The following TGFBRAP1 variants were observed in gnomAD, a reference collection of about 807,000 sequenced individuals.
The protein encoded by TGFBRAP1 is transforming growth factor-beta receptor-associated protein 1.
TGFBRAP1 carries 20 observed loss-of-function variants against 83.2 expected under a neutral mutation model. The observed-to-expected ratio is 0.24, with a 90% CI of 0.17 to 0.35. The LOEUF (loss-of-function observed/expected upper bound fraction) is 0.35. Ranked by LOEUF, TGFBRAP1 falls within the 10% of genes least tolerant of loss-of-function variation. The probability of loss-of-function intolerance (pLI) is 1.00; values close to 1 mark genes in which losing one functional copy is unlikely to be tolerated. For synonymous variants in TGFBRAP1, 415 were observed against 459.8 expected (o/e 0.90, Z 1.25); for missense variants, 950 against 1,099.4 (o/e 0.86, Z 1.92).
At chr2:105,328,464 T>G (rs1679282073) in intron 1 of TGFBRAP1, among the ~76,000 whole-genome samples, 1 of 152,206 alleles carries the variant, frequency 6.6e-6, no homozygotes, top group Non-Finnish European at 1.5e-5. Context: ...TGACTGACCA[T>G]GGAACTGCGA....
chr2:105,328,385 T>G (rs1679280604), intron 1 of TGFBRAP1, among the ~76,000 whole-genome samples: 1 of 152,176 alleles, frequency 6.6e-6, no homozygotes. Flanking sequence ...CTGCAATGAC[T>G]GTTGAGGCTG....
intron 4 of TGFBRAP1, among the ~76,000 whole-genome samples, chr2:105,296,022 A>G (rs1328595830): frequency 6.6e-6 from 1 of 152,178 alleles, no homozygotes; most frequent in Non-Finnish European, 1.5e-5. Flanking sequence ...TTTGCTTTAT[A>G]AGAACTATGT....
chr2:105,288,078 G>T (rs1294991626), intron 4 of TGFBRAP1, among the ~76,000 whole-genome samples: 2 of 152,216 alleles, frequency 1.3e-5, no homozygotes, highest in Non-Finnish European at 2.9e-5. Flanking sequence ...AACTCAGAAA[G>T]ATATTTTCTT....
intron 1 of TGFBRAP1, among the ~76,000 whole-genome samples, chr2:105,313,178 C>G (rs1256642098): frequency 6.6e-6 from 1 of 152,180 alleles, no homozygotes; most frequent in Non-Finnish European, 1.5e-5. Context: ...TCCTAAACCT[C>G]AGTTCAAAAA....
At chr2:105,252,736 AGAT>A in the TGFBRAP1 span, among the ~76,000 whole-genome samples, 1 of 146,968 alleles carries the variant, frequency 6.8e-6, no homozygotes, top group African/African-American at 2.5e-5. Context: ...CTGTGATGTG[AGAT>A]GATATTAACA....
chr2:105,279,764 G>A (rs190154391), intron 6 of TGFBRAP1, among the ~76,000 whole-genome samples: 6 of 152,222 alleles, frequency 3.9e-5, no homozygotes, highest in South Asian at 4.2e-4. Flanking sequence ...ATGGCTGGGC[G>A]CAGTGGCTCA....
At chr2:105,271,910 T>C (rs973353700) in intron 10 of TGFBRAP1, among the ~76,000 whole-genome samples, 7 of 152,110 alleles carry the variant, frequency 4.6e-5, no homozygotes, top group African/African-American at 1.7e-4. Context: ...TAGCTACACG[T>C]TTCCTTTTCA....
the TGFBRAP1 span, among the ~76,000 whole-genome samples, chr2:105,251,303 G>T: frequency 7.1e-6 from 1 of 140,180 alleles, no homozygotes; most frequent in Non-Finnish European, 1.5e-5. Flanking sequence ...CTGCCTGGCT[G>T]CCCAGTCTGG....
At chr2:105,290,615 C>CCGTGTGTGTGTGTG (rs201513561) in intron 4 of TGFBRAP1, among the ~76,000 whole-genome samples, 1 of 103,784 alleles carries the variant, frequency 9.6e-6, no homozygotes, top group Admixed American at 9.8e-5. Flanking sequence ...AACAGAGAGA[C>CCGTGTGTGTGTGTG]AGTGTGTGTG....
intron 5 of TGFBRAP1, among the ~76,000 whole-genome samples, chr2:105,283,552 A>G (rs1027728642): frequency 2.0e-5 from 3 of 152,246 alleles, no homozygotes; most frequent in African/African-American, 7.2e-5. Context: ...CTCTAAAGGC[A>G]GTGCCTGAGT....
At chr2:105,288,917 C>T (rs528563837) in intron 4 of TGFBRAP1, among the ~76,000 whole-genome samples, 2 of 152,074 alleles carry the variant, frequency 1.3e-5, no homozygotes, top group Non-Finnish European at 2.9e-5. Context: ...CTTGGGGAAT[C>T]ACAATAAGTG....
chr2:105,249,566 C>T, the TGFBRAP1 span: 1 of 152,144 alleles, frequency 6.6e-6, no homozygotes, highest in Non-Finnish European at 1.5e-5. Context: ...AAAGGCACCA[C>T]ATTTAACCTT....
At position 105,308,055 on chromosome 2, in the gene TGFBRAP1, G is replaced by C; in HGVS notation, c.247C>G (p.Arg83Gly). The C allele has an allele frequency of 1.2e-6, 2 of 1,613,854 alleles. No homozygotes were observed. The highest frequency in any genetic ancestry group is 1.3e-5 in the African/African-American group (1 of 75,050). The change falls in exon 2 of 12, where the codon CGT (arginine) becomes GGT (glycine). Residue 83 changes from arginine (R) to glycine (G), a missense_variant. Physicochemically the swap from Arg to Gly is moderately radical, Grantham distance 125. Coordinates refer to ENST00000393359, the MANE Select transcript of TGFBRAP1 (RefSeq NM_004257.6). Reference sequence around the variant, plus strand: ...AGCCTGTTGAGTGCTGAGGCCGCACGCAGCTCGTTCACGGGCTTCTTGAAG... The same window carrying C: ...AGCCTGTTGAGTGCTGAGGCCGCACCCAGCTCGTTCACGGGCTTCTTGAAG... ...LGFKKPVNEL[R>G]AASALNRLLV...
chr2:105,263,589 C>G (rs959359633), downstream of TGFBRAP1, among the ~76,000 whole-genome samples: 1 of 148,368 alleles, frequency 6.7e-6, no homozygotes, highest in African/African-American at 2.4e-5. Context: ...GGTCAGAATA[C>G]TCGGGGGGCC....
At chr2:105,300,506 G>A (rs1219423554) in intron 2 of TGFBRAP1, among the ~76,000 whole-genome samples, 2 of 144,778 alleles carry the variant, frequency 1.4e-5, no homozygotes, top group East Asian at 2.0e-4. Context: ...GCACCATCTC[G>A]GCTCACTGCA....
At position 105,277,665 on chromosome 2, in the gene TGFBRAP1, A is replaced by G. The variant is rs778693116; in HGVS notation, c.1470T>C (p.Phe490=). ...AAWLEKHKKY[F]ALGLLYHYNN... ...TATAATGATAGAGCAGTCCAAGTGCAAAATACCTGAAACAGAACAACACGG... is the reference window on the plus strand; with the variant it reads ...TATAATGATAGAGCAGTCCAAGTGCGAAATACCTGAAACAGAACAACACGG... Residue 490 remains phenylalanine (F), a synonymous_variant, in exon 7 of 12, where the codon TTT becomes TTC. Transcript: ENST00000393359. The G allele has an allele frequency of 5.6e-6, 9 of 1,614,070 alleles. No individual in the cohort carries two copies. The South Asian group carries it at 8.8e-5, about 16-fold the overall frequency.
At chr2:105,327,858 C>T (rs1166829910) in intron 1 of TGFBRAP1, among the ~76,000 whole-genome samples, 1 of 152,218 alleles carries the variant, frequency 6.6e-6, no homozygotes, top group Non-Finnish European at 1.5e-5. Context: ...AGTGGCACCT[C>T]ACCTCTCACC....
At position 105,272,862 on chromosome 2, in the gene TGFBRAP1, A is replaced by C; in HGVS notation, c.1965T>G (p.Phe655Leu). 6.2e-7 allele frequency: 1 copy of C among 1,607,552 alleles called. No homozygotes were observed. Among genetic ancestry groups the C allele is most frequent in the Non-Finnish European group, 8.5e-7 (1 of 1,179,814 alleles). Reference sequence around the variant, plus strand: ...TACTGAGATCATCCTCACCGAGAAGAAAGTGGACTCGGTATAAATCAGATT... The same window carrying C: ...TACTGAGATCATCCTCACCGAGAAGCAAGTGGACTCGGTATAAATCAGATT... ...LQKSDLYRVHFLLERLQGAGL... is the reference protein window; with the variant it reads ...LQKSDLYRVHLLLERLQGAGL... Residue 655 changes from phenylalanine to leucine, a missense_variant, in exon 10 of 12, where the codon TTT becomes TTG. Transcript: ENST00000393359.
chr2:105,294,638 A>G (rs1186906060), intron 4 of TGFBRAP1, among the ~76,000 whole-genome samples: 2 of 152,190 alleles, frequency 1.3e-5, no homozygotes, highest in African/African-American at 2.4e-5. Flanking sequence ...AGGAGCTTGC[A>G]GTAATACAGG....
Sources: gnomAD v4.1 joint callset for allele counts (sites outside exome capture counted in the v4.1 genomes callset) on GRCh38, gnomAD v4.1.1 for gene constraint, MANE v1.5 for transcripts, NCBI Gene and HGNC (gene_info 2026-07-23, HGNC 2026-07-21) for gene names.